Variants in CPNE4 observed in about 807,000 individuals in gnomAD.
The protein encoded by CPNE4 is copine-4.
A neutral mutation model predicts 67.9 loss-of-function variants in CPNE4; 25 were observed. The ratio of observed to expected loss-of-function variants is 0.37; its 90% CI spans 0.27 to 0.51. The LOEUF (loss-of-function observed/expected upper bound fraction) is 0.51, where lower values mean the gene tolerates loss of function less well. Among genes scored for constraint, CPNE4 ranks in the 20% least tolerant of loss-of-function variants. The pLI is 0.93. For missense variants in CPNE4, 464 were observed against 690.8 expected (o/e 0.67, Z 3.68); for synonymous variants, 242 against 244.9 (o/e 0.99, Z 0.11).
chr3:131,945,922 C>T (rs2071539561), intron 1 of CPNE4, among the ~76,000 whole-genome samples: 1 of 152,178 alleles, frequency 6.6e-6, no homozygotes, highest in Non-Finnish European at 1.5e-5. Context: ...CACATCTGAA[C>T]CATGTGTGCT....
In CPNE4 at chr3:131,758,319, G is replaced by A. The variant is rs368451208; in HGVS notation, c.181-34694C>T. Among the ~76,000 whole-genome samples the A allele has an allele frequency of 1.6e-3, 242 of 152,322 alleles. 7 individuals carry two copies. In the South Asian group the frequency reaches 0.04, roughly 25 times the overall value. ...CCTCTTGCATCAACATGACCTGGATGTGAGACCTGGAGTCAAAGGACATCA... is the reference window on the plus strand; with the variant it reads ...CCTCTTGCATCAACATGACCTGGATATGAGACCTGGAGTCAAAGGACATCA... On this transcript the variant is annotated intron_variant, in intron 2 of 15. Coordinates refer to ENST00000429747, the MANE Select transcript of CPNE4 (RefSeq NM_130808.3).
At chr3:131,708,937 T>C (rs1332002054) in intron 3 of CPNE4, among the ~76,000 whole-genome samples, 1 of 120,790 alleles carries the variant, frequency 8.3e-6, no homozygotes, top group Non-Finnish European at 1.7e-5. Context: ...CTAAAAAAAA[T>C]CAGTGTCTGA....
chr3:131,859,956 C>T (rs1199949890), intron 2 of CPNE4, among the ~76,000 whole-genome samples: 1 of 152,152 alleles, frequency 6.6e-6, no homozygotes, highest in Non-Finnish European at 1.5e-5. Context: ...AATCCATCCG[C>T]AGAATGACTC....
In CPNE4 at chr3:131,609,635, A is replaced by T. The variant is rs575675776; in HGVS notation, c.682-22053T>A. 3.3e-5 allele frequency among the ~76,000 whole-genome samples: 5 copies of T among 152,334 alleles called. No individual in the cohort carries two copies. The South Asian group carries it at 6.2e-4, about 19-fold the overall frequency. ...CTAAGCCACTGAGAATTTAGTTTTT[A>T]AAAAATACATGTTAAATGATACATG... On this transcript the variant is annotated intron_variant, in intron 7 of 15. Transcript: ENST00000429747.
chr3:131,737,388 C>T (rs2082262919), intron 2 of CPNE4, among the ~76,000 whole-genome samples: 1 of 151,926 alleles, frequency 6.6e-6, no homozygotes, highest in African/African-American at 2.4e-5. Context: ...AATACTCTGG[C>T]ATCACTCCTA....
At chr3:131,586,504 G>T (rs1938188174) in intron 8 of CPNE4, among the ~76,000 whole-genome samples, 2 of 152,094 alleles carry the variant, frequency 1.3e-5, no homozygotes, top group African/African-American at 4.8e-5. Context: ...AGGGAGCTGG[G>T]GTATTTATAT....
intron 1 of CPNE4, among the ~76,000 whole-genome samples, chr3:131,920,163 C>T (rs1310435317): frequency 6.6e-6 from 1 of 152,154 alleles, no homozygotes; most frequent in Non-Finnish European, 1.5e-5. Context: ...ATTTTTCCTA[C>T]CTTTATTGAT....
Position 131,587,479 on chromosome 3 carries a change from T to C in CPNE4, c.780+5A>G. The C allele has an allele frequency of 6.2e-7, 1 of 1,610,938 alleles. No individual in the cohort carries two copies. The highest frequency in any genetic ancestry group is 1.1e-5 in the South Asian group (1 of 90,968). ...AGGCAAAACCAAAAGTGGTTGACCA[T>C]GTACCTGTTTCCCTTCCATTGCTCC... On this transcript the variant is annotated splice_donor_5th_base_variant and intron_variant, in intron 8 of 15. Transcript: ENST00000429747.
chr3:131,770,770 A>G (rs2083146651), intron 2 of CPNE4, among the ~76,000 whole-genome samples: 1 of 152,164 alleles, frequency 6.6e-6, no homozygotes, highest in Admixed American at 6.5e-5. Flanking sequence ...TTGCCACCAA[A>G]AATTCTCATC....
intron 7 of CPNE4, among the ~76,000 whole-genome samples, chr3:131,613,641 T>C (rs1269444689): frequency 6.6e-6 from 1 of 152,198 alleles, no homozygotes; most frequent in Non-Finnish European, 1.5e-5. Flanking sequence ...TGCTTTGGCA[T>C]GTGAGTCAAA....
At chr3:131,925,964 G>C (rs1037063247) in intron 1 of CPNE4, among the ~76,000 whole-genome samples, 2 of 152,146 alleles carry the variant, frequency 1.3e-5, no homozygotes, top group Non-Finnish European at 2.9e-5. Flanking sequence ...AAACACAATT[G>C]ATTCTTTCTT....
intron 1 of CPNE4, among the ~76,000 whole-genome samples, chr3:132,005,595 G>A (rs2073578449): frequency 6.6e-6 from 1 of 151,668 alleles, no homozygotes. Flanking sequence ...CTACCACAGG[G>A]AAACCACTTT....
intron 2 of CPNE4, among the ~76,000 whole-genome samples, chr3:131,815,652 G>A (rs972651392): frequency 2.0e-5 from 3 of 152,166 alleles, no homozygotes; most frequent in African/African-American, 7.2e-5. Flanking sequence ...ACAAGGTGTT[G>A]GAACAAAGAA....
intron 7 of CPNE4, among the ~76,000 whole-genome samples, chr3:131,624,216 A>C (rs573846037): frequency 1.3e-5 from 2 of 152,300 alleles, no homozygotes; most frequent in South Asian, 4.1e-4. Context: ...TCACGCACCA[A>C]GTTTGCTGAG....
rs75707545 is a variant in CPNE4 at position 131,889,004 on chromosome 3, A to G, written c.180+16260T>C. 4.3e-3 allele frequency among the ~76,000 whole-genome samples: 652 copies of G among 152,348 alleles called. 4 individuals carry two copies. Among genetic ancestry groups the G allele is most frequent in the African/African-American group, 0.015 (627 of 41,584 alleles). On this transcript the variant is annotated intron_variant, in intron 2 of 15. Coordinates refer to ENST00000429747, the MANE Select transcript of CPNE4 (RefSeq NM_130808.3). ...AGTATTATCTGATAATGTCTTTTAC[A>G]TACTGAGAACTAAGTGATCCACTAC...
At chr3:131,696,703 C>T in intron 4 of CPNE4, 87 bp from the exon 5 acceptor site, 2 of 1,150,846 alleles carry the variant, frequency 1.7e-6, no homozygotes, top group Non-Finnish European at 2.6e-6. Context: ...CTGTTTGGTT[C>T]AAAACTCAAC....
Position 131,955,417 on chromosome 3 carries a change from T to TG in CPNE4, c.-1-49974_-1-49973insC, listed in dbSNP as rs1373404321. On this transcript the variant is annotated intron_variant, in intron 1 of 15. Coordinates refer to ENST00000429747, the MANE Select transcript of CPNE4 (RefSeq NM_130808.3). ...TGTGGTATTGTATGTAAGGTTTTTT[T>TG]TTTTTTTTTTTTTTTTTGTATGCTT... is the stretch of plus-strand genomic sequence containing the variant. Among the ~76,000 whole-genome samples, 175 of 125,074 alleles carry TG rather than the reference T, an allele frequency of 1.4e-3. 3 individuals carry two copies. The highest frequency in any genetic ancestry group is 5.6e-3 in the African/African-American group (165 of 29,708). The allele number at this position is 125,074 out of a possible 152,430, so 82.1% of individuals were successfully genotyped here. A position where few individuals can be genotyped will look rare whatever the true frequency, so the allele number is the denominator to read the frequency against.
At chr3:131,578,419 T>A (rs1937605521) in intron 9 of CPNE4, among the ~76,000 whole-genome samples, 2 of 152,214 alleles carry the variant, frequency 1.3e-5, no homozygotes, top group Admixed American at 1.3e-4. Flanking sequence ...GGTCTCCCTA[T>A]CCCCTGAGAC....
intron 7 of CPNE4, among the ~76,000 whole-genome samples, chr3:131,595,553 G>A (rs916696737): frequency 6.6e-6 from 1 of 152,152 alleles, no homozygotes; most frequent in Non-Finnish European, 1.5e-5. Flanking sequence ...CTTCTGGTGA[G>A]GGCCTCAGGA....
Sources: allele counts gnomAD v4.1 joint callset (sites outside exome capture counted in the v4.1 genomes callset), GRCh38; gene constraint gnomAD v4.1.1; transcripts MANE v1.5; gene names NCBI Gene and HGNC (gene_info 2026-07-23, HGNC 2026-07-21).